The following SMIM41 variants were observed in gnomAD, a reference collection of about 807,000 sequenced individuals.
SMIM41 encodes the protein small integral membrane protein 41.
At position 52,093,053 on chromosome 12, in the gene SMIM41, T is replaced by C. The variant is rs149454158; in HGVS notation, c.*195+9085T>C. Reference sequence around the variant, plus strand: ...AAAAATAAAGAAAAAATTAGATTGGTGTGGTGCGGTGGTGCACAGCTGTAG... The same window carrying C: ...AAAAATAAAGAAAAAATTAGATTGGCGTGGTGCGGTGGTGCACAGCTGTAG... On this transcript the variant is annotated intron_variant, in intron 2 of 2. Transcript: ENST00000546390. Among the ~76,000 whole-genome samples, 1,108 of 152,134 alleles carry C rather than the reference T, an allele frequency of 7.3e-3. 12 individuals carry two copies. Among genetic ancestry groups the C allele is most frequent in the African/African-American group, 0.026 (1,066 of 41,518 alleles).
chr12:52,104,686 T>C (rs1388119384), intron 2 of SMIM41, among the ~76,000 whole-genome samples: 2 of 151,110 alleles, frequency 1.3e-5, no homozygotes, highest in Non-Finnish European at 2.9e-5. Context: ...GGGGGGGCGG[T>C]CTCAGAAATC....
chr12:52,101,201 T>A lies in SMIM41; in HGVS notation c.*196-6178T>A, dbSNP rs547998575. On this transcript the variant is annotated intron_variant, in intron 2 of 2. Transcript: ENST00000546390. Reference sequence around the variant, plus strand: ...ACTTTGGGAGGCCGAGTCACACGGATCACTTGAGGCCAGGAGTTCGAGACC... The same window carrying A: ...ACTTTGGGAGGCCGAGTCACACGGAACACTTGAGGCCAGGAGTTCGAGACC... Among the ~76,000 whole-genome samples, 3 of 152,186 alleles carry A rather than the reference T, an allele frequency of 2.0e-5. No homozygotes were observed. In the South Asian group the frequency reaches 6.2e-4, roughly 32 times the overall value.
At chr12:52,104,513 G>T (rs1178567887) in intron 2 of SMIM41, among the ~76,000 whole-genome samples, 3 of 152,128 alleles carry the variant, frequency 2.0e-5, no homozygotes, top group Admixed American at 6.5e-5. Flanking sequence ...CCCAGCAGAG[G>T]GGAAGGGCAG....
At position 52,082,135 on chromosome 12, in the gene SMIM41, G is replaced by A. The variant is rs1007664739; in HGVS notation, c.*121-1759G>A. Reference sequence around the variant, plus strand: ...CTCAGCTTTCCTGGCCTGAACCTGAGGGGGGATGGGCTTAGAGGGTCAGCT... The same window carrying A: ...CTCAGCTTTCCTGGCCTGAACCTGAAGGGGGATGGGCTTAGAGGGTCAGCT... On this transcript the variant is annotated intron_variant, in intron 1 of 2. Coordinates refer to ENST00000546390, the MANE Select transcript of SMIM41 (RefSeq NM_001369216.1). 3.3e-5 allele frequency: 5 copies of A among 152,380 alleles called. No individual in the cohort carries two copies. In the East Asian group the frequency reaches 5.8e-4, roughly 18 times the overall value. The allele number at this position is 152,380 out of a possible 1,614,324, so 9.4% of individuals were successfully genotyped here.
chr12:52,097,379 AG>A (rs1001017165), intron 2 of SMIM41, among the ~76,000 whole-genome samples: 3 of 149,860 alleles, frequency 2.0e-5, no homozygotes, highest in African/African-American at 4.9e-5. Flanking sequence ...GCCACATTGC[AG>A]GGGGGTGGAC....
At chr12:52,102,166 C>A (rs897906911) in intron 2 of SMIM41, among the ~76,000 whole-genome samples, 2 of 152,278 alleles carry the variant, frequency 1.3e-5, no homozygotes, top group African/African-American at 4.8e-5. Context: ...GTTGGAGAAA[C>A]TTGATCTCCA....
intron 2 of SMIM41, among the ~76,000 whole-genome samples, chr12:52,098,993 T>G (rs1201592761): frequency 6.6e-6 from 1 of 152,002 alleles, no homozygotes; most frequent in Non-Finnish European, 1.5e-5. Flanking sequence ...CCCTGCGATA[T>G]CGGGAGTAAT....
intron 2 of SMIM41, among the ~76,000 whole-genome samples, chr12:52,085,849 C>T (rs1335218108): frequency 6.6e-6 from 1 of 152,152 alleles, no homozygotes; most frequent in Non-Finnish European, 1.5e-5. Flanking sequence ...GCTGGGTGGC[C>T]ATGAGATAAC....
chr12:52,088,058 C>T (rs903599490), intron 2 of SMIM41, among the ~76,000 whole-genome samples: 8 of 152,232 alleles, frequency 5.3e-5, no homozygotes, highest in African/African-American at 1.9e-4. Flanking sequence ...ACCCATTCTA[C>T]AGAGATTTAT....
At chr12:52,095,546 A>G (rs1940077689) in intron 2 of SMIM41, among the ~76,000 whole-genome samples, 1 of 151,678 alleles carries the variant, frequency 6.6e-6, no homozygotes, top group Non-Finnish European at 1.5e-5. Context: ...GAGTGTTTCT[A>G]CCCCCAGCGG....
At chr12:52,107,217 C>CA in intron 2 of SMIM41, 162 bp from the exon 3 acceptor site, 1 of 366,844 alleles carries the variant, frequency 2.7e-6, no homozygotes, top group South Asian at 2.1e-5. Context: ...GCTCTGGAAT[C>CA]TGAAAACATT....
chr12:52,106,626 G>C (rs1432345076), intron 2 of SMIM41, among the ~76,000 whole-genome samples: 5 of 152,176 alleles, frequency 3.3e-5, no homozygotes, highest in African/African-American at 7.2e-5. Context: ...ACAGGCGTGA[G>C]CCACCGCGTT....
At chr12:52,098,734 CGG>C (rs34609593) in intron 2 of SMIM41, among the ~76,000 whole-genome samples, 2,740 of 133,204 alleles carry the variant, frequency 0.021, 28 homozygotes, top group African/African-American at 0.037. Flanking sequence ...AACAATATCA[CGG>C]GGGGGGGGGT....
rs1173057236 is a variant in SMIM41, at chr12:52,100,622, ATTTTT to A, written c.*196-6739_*196-6735del. On this transcript the variant is annotated intron_variant, in intron 2 of 2. Transcript: ENST00000546390. Reference sequence around the variant, plus strand: ...CAGGCATGCGCTACCGCGCCCAGCTATTTTTTTTTTTTTTTTTTTTTTGTATTTTT... The same window carrying A: ...CAGGCATGCGCTACCGCGCCCAGCTATTTTTTTTTTTTTTTTTGTATTTTT... 1.7e-3 allele frequency among the ~76,000 whole-genome samples: 194 copies of A among 111,124 alleles called. 2 individuals are homozygous for A. The highest frequency in any genetic ancestry group is 5.9e-3 in the African/African-American group (170 of 28,798). The allele number at this position is 111,124 out of a possible 152,430, so 72.9% of individuals were successfully genotyped here.
intron 2 of SMIM41, among the ~76,000 whole-genome samples, chr12:52,091,113 G>A (rs902823849): frequency 1.1e-4 from 17 of 152,238 alleles, no homozygotes; most frequent in African/African-American, 4.1e-4. Context: ...CTGGGCTCAA[G>A]TGATCCTCCT....
At position 52,107,889 on chromosome 12, in the gene SMIM41, C is replaced by T. The variant is rs1257605554; in HGVS notation, c.*706C>T. 2 of 300,186 alleles carry T rather than the reference C, an allele frequency of 6.7e-6. No homozygotes were observed. The highest frequency in any genetic ancestry group is 1.3e-5 in the Non-Finnish European group (2 of 154,622). 18.6% of individuals were successfully genotyped at this position (300,186 alleles called of 1,614,324 possible). A position where few individuals can be genotyped will look rare whatever the true frequency, so the allele number is the denominator to read the frequency against. ...ATTTCTTCTGTGACCTTTCTCAACT[C>T]CCCCATCTTGCCGTTGTGACACCTT... On this transcript the variant is annotated 3_prime_UTR_variant, in exon 3 of 3. Transcript: ENST00000546390.
chr12:52,091,866 A>G (rs1940010616), intron 2 of SMIM41, among the ~76,000 whole-genome samples: 1 of 152,256 alleles, frequency 6.6e-6, no homozygotes, highest in Non-Finnish European at 1.5e-5. Context: ...AACAAAGTTT[A>G]AGGAGGGCAG....
At chr12:52,093,931 G>A (rs1200386700) in intron 2 of SMIM41, among the ~76,000 whole-genome samples, 1 of 152,068 alleles carries the variant, frequency 6.6e-6, no homozygotes, top group Non-Finnish European at 1.5e-5. Flanking sequence ...AGAATTTTGA[G>A]AACAGCCTGG....
intron 2 of SMIM41, among the ~76,000 whole-genome samples, chr12:52,096,638 G>T (rs1238997789): frequency 6.6e-6 from 1 of 151,474 alleles, no homozygotes; most frequent in African/African-American, 2.4e-5. Flanking sequence ...ATCAGTACCG[G>T]TTATTAATAT....
Sources: allele counts gnomAD v4.1 joint callset (sites outside exome capture counted in the v4.1 genomes callset), GRCh38; gene constraint gnomAD v4.1.1; transcripts MANE v1.5; gene names NCBI Gene and HGNC (gene_info 2026-07-23, HGNC 2026-07-21).